The following RNF217 variants were observed in gnomAD, a reference collection of about 807,000 sequenced individuals.
The protein encoded by RNF217 is ring finger protein 217, also known as E3 ubiquitin-protein ligase RNF217.
A neutral mutation model predicts 57.8 loss-of-function variants in RNF217; 31 were observed. The ratio of observed to expected loss-of-function variants is 0.54; its 90% confidence interval spans 0.40 to 0.72. RNF217 has a LOEUF of 0.72. Ranked by LOEUF, RNF217 falls within the 30% of genes least tolerant of loss-of-function variation. The pLI is 0.00. For missense variants in RNF217, 696 were observed against 708.3 expected, an observed-to-expected ratio of 0.98 and a Z score of 0.20; for synonymous variants, 313 against 294.0, an observed-to-expected ratio of 1.06 and a Z score of -0.66.
intron 1 of RNF217, among the ~76,000 whole-genome samples, chr6:125,037,625 T>C (rs1468634950): frequency 5.9e-5 from 9 of 152,136 alleles, no homozygotes; most frequent in Non-Finnish European, 1.3e-4. Context: ...CCATAATCAC[T>C]GATGAGTAAA....
intron 1 of RNF217, chr6:125,006,298 T>C (rs1480315689): frequency 1.3e-5 from 2 of 152,152 alleles, no homozygotes; most frequent in African/African-American, 4.8e-5. Flanking sequence ...AGCTGAGAAA[T>C]TTCCATTAAA....
chr6:125,040,425 G>A (rs558461939), intron 1 of RNF217, among the ~76,000 whole-genome samples: 1 of 152,204 alleles, frequency 6.6e-6, no homozygotes, highest in East Asian at 1.9e-4. Context: ...CCAATAACAA[G>A]TTCTGAAATT....
At chr6:124,978,436 G>C (rs906627412) in intron 1 of RNF217, among the ~76,000 whole-genome samples, 1 of 151,248 alleles carries the variant, frequency 6.6e-6, no homozygotes, top group Non-Finnish European at 1.5e-5. Context: ...CCAGCAACTA[G>C]ATGAGGGGAA....
intron 5 of RNF217, 71 bp from the exon 6 acceptor site, chr6:125,082,793 A>G: frequency 8.1e-7 from 1 of 1,238,376 alleles, no homozygotes; most frequent in Non-Finnish European, 1.2e-6. Flanking sequence ...ATAAATAAAC[A>G]TAGACATTTT....
intron 1 of RNF217, among the ~76,000 whole-genome samples, chr6:124,995,059 T>C (rs1358054083): frequency 6.6e-6 from 1 of 152,224 alleles, no homozygotes; most frequent in Non-Finnish European, 1.5e-5. Context: ...ACAAGATTAT[T>C]TCTCATTGTT....
intron 1 of RNF217, among the ~76,000 whole-genome samples, chr6:124,985,722 T>A (rs1784344965): frequency 6.6e-6 from 1 of 152,068 alleles, no homozygotes; most frequent in Non-Finnish European, 1.5e-5. Context: ...AAAAAAAACA[T>A]AAATCAGATT....
chr6:125,080,556 T>C (rs1350954820), intron 4 of RNF217, among the ~76,000 whole-genome samples: 2 of 152,094 alleles, frequency 1.3e-5, no homozygotes. Flanking sequence ...TCTCATCTCT[T>C]ATTGCATTTG....
intron 2 of RNF217, among the ~76,000 whole-genome samples, chr6:125,051,251 T>C (rs1787304481): frequency 6.6e-6 from 1 of 151,954 alleles, no homozygotes; most frequent in African/African-American, 2.4e-5. Context: ...TGACCTGCAC[T>C]GGTACTAAGA....
rs199995373 is a variant in RNF217, at chr6:125,076,782, C to T, written c.1407C>T (p.Leu469=). 6 of 1,613,690 alleles carry T rather than the reference C, an allele frequency of 3.7e-6. No homozygotes were observed. In the East Asian group the frequency reaches 1.3e-4, roughly 36 times the overall value. Residue 469 remains leucine, a synonymous_variant, in exon 4 of 6, where the codon CTC becomes CTT. Transcript: ENST00000521654. The part of the protein sequence containing the change: ...LRFFGDHTSN[L]SIFGCKYRYL... ...TTTTTGGAGACCACACATCAAACCT[C>T]AGTATATTTGGATGCAAATATCGCT...
At chr6:125,035,705 T>C (rs1364254535) in intron 1 of RNF217, among the ~76,000 whole-genome samples, 1 of 152,210 alleles carries the variant, frequency 6.6e-6, no homozygotes, top group Non-Finnish European at 1.5e-5. Flanking sequence ...TAATGTCATG[T>C]GTAAGAAATC....
chr6:125,006,397 G>C (rs1406235948), intron 1 of RNF217, among the ~76,000 whole-genome samples: 1 of 151,980 alleles, frequency 6.6e-6, no homozygotes, highest in Non-Finnish European at 1.5e-5. Context: ...CACTTTCCTA[G>C]CATAGTTACT....
intron 2 of RNF217, among the ~76,000 whole-genome samples, chr6:125,050,134 T>A (rs904961544): frequency 3.3e-5 from 5 of 151,992 alleles, no homozygotes; most frequent in Non-Finnish European, 5.9e-5. Flanking sequence ...ATACAGGTTT[T>A]ACTGAGGTAG....
intron 1 of RNF217, among the ~76,000 whole-genome samples, chr6:124,997,761 GTT>G (rs1435302811): frequency 6.6e-6 from 1 of 152,110 alleles, no homozygotes; most frequent in African/African-American, 2.4e-5. Context: ...TCCCTTGCTT[GTT>G]TTCTTTACTT....
intron 1 of RNF217, among the ~76,000 whole-genome samples, chr6:124,989,761 G>A (rs1215246067): frequency 6.6e-6 from 1 of 151,172 alleles, no homozygotes; most frequent in African/African-American, 2.4e-5. Flanking sequence ...GTTAGATGTG[G>A]CCCATGGACC....
intron 3 of RNF217, among the ~76,000 whole-genome samples, chr6:125,073,938 T>A (rs941759017): frequency 2.6e-5 from 4 of 152,152 alleles, no homozygotes; most frequent in African/African-American, 4.8e-5. Context: ...ACTTGACACT[T>A]GGGAGAGGTA....
chr6:125,050,316 T>A (rs1165861799), intron 2 of RNF217, among the ~76,000 whole-genome samples: 1 of 151,956 alleles, frequency 6.6e-6, no homozygotes, highest in East Asian at 1.9e-4. Flanking sequence ...TCCCCATTCT[T>A]CTTCCCACAA....
chr6:125,008,980 CT>C (rs1352051642), intron 1 of RNF217: 14 of 263,544 alleles, frequency 5.3e-5, no homozygotes, highest in African/African-American at 2.2e-5. Context: ...TGTGTTTCCC[CT>C]GGTTTAATGG....
chr6:125,028,828 CT>C (rs1436559542), intron 1 of RNF217, among the ~76,000 whole-genome samples: 4 of 151,746 alleles, frequency 2.6e-5, no homozygotes, highest in Admixed American at 6.6e-5. Context: ...TTCCACTGGG[CT>C]TTTTTTACTG....
chr6:125,007,978 C>T (rs991855610), intron 1 of RNF217, among the ~76,000 whole-genome samples: 11 of 152,116 alleles, frequency 7.2e-5, no homozygotes, highest in South Asian at 2.1e-4. Flanking sequence ...TTTATGTGGC[C>T]GGGCCTGGTG....
Sources: gnomAD v4.1 joint callset for allele counts (sites outside exome capture counted in the v4.1 genomes callset) on GRCh38, gnomAD v4.1.1 for gene constraint, MANE v1.5 for transcripts, NCBI Gene and HGNC (gene_info 2026-07-23, HGNC 2026-07-21) for gene names.